Variants in SLC23A2 observed in about 807,000 individuals in gnomAD.
The protein encoded by SLC23A2 is Na(+)/L-ascorbic acid transporter 2.
In SLC23A2, 36 loss-of-function variants were observed where a neutral mutation model predicts 73.3. The observed-to-expected ratio is 0.49, with a 90% CI of 0.38 to 0.65. The LOEUF is 0.65. SLC23A2 is among the 30% of genes least tolerant of loss of function. The pLI is 0.00. For missense variants in SLC23A2, 507 were observed against 841.6 expected (o/e 0.60, Z 4.92); for synonymous variants, 343 against 327.3 (o/e 1.05, Z -0.52).
intron 2 of SLC23A2, among the ~76,000 whole-genome samples, chr20:4,940,790 A>C (rs2087028220): frequency 6.6e-6 from 1 of 152,250 alleles, no homozygotes; most frequent in Non-Finnish European, 1.5e-5. Context: ...AGTCAAATGC[A>C]GAAGCAGAGT....
At chr20:4,886,076 C>A in intron 6 of SLC23A2, 167 bp from the exon 7 acceptor site, 1 of 540,996 alleles carries the variant, frequency 1.8e-6, no homozygotes, top group South Asian at 2.1e-5. Context: ...TGCCATGCAG[C>A]CACAGCCAGT....
intron 2 of SLC23A2, 143 bp from the exon 3 acceptor site, chr20:4,932,859 T>C: frequency 3.9e-6 from 1 of 256,946 alleles, no homozygotes; most frequent in Non-Finnish European, 7.4e-6. Flanking sequence ...AATTACAGTT[T>C]TCAGGCACCC....
At position 4,976,902 on chromosome 20, in the gene SLC23A2, G is replaced by T. The variant is rs564496924; in HGVS notation, c.-281-5983C>A. Among the ~76,000 whole-genome samples the T allele has an allele frequency of 4.6e-5, 7 of 152,226 alleles. No homozygotes were observed. The East Asian group carries it at 1.2e-3, about 25-fold the overall frequency. ...GAGGCAGGAGAATCACTTGAATCAG[G>T]GGGGCGGAGGTTGCAGTGAGCCAAG... On this transcript the variant is annotated intron_variant, in intron 1 of 16. Coordinates refer to ENST00000338244, the MANE Select transcript of SLC23A2 (RefSeq NM_005116.6).
At chr20:4,897,940 T>C (rs528688507) in intron 6 of SLC23A2, among the ~76,000 whole-genome samples, 116 of 152,206 alleles carry the variant, frequency 7.6e-4, no homozygotes, top group African/African-American at 2.1e-3. Context: ...AAGTCAGCGG[T>C]TTAGAAAAAG....
rs748221373 is a variant in SLC23A2, at chr20:4,862,782, G to A, written c.1482C>T (p.Leu494=). The change falls in exon 14 of 17, where the codon CTC becomes CTT. Residue 494 remains leucine, a synonymous_variant. Coordinates refer to ENST00000338244, the MANE Select transcript of SLC23A2 (RefSeq NM_005116.6). The surrounding 1 kb of genome is among the most constrained non-coding windows in gnomAD (Gnocchi z 5.1). The part of the protein sequence containing the change: ...DPVLGALFCT[L]FGMITAVGLS... ...AGCCAGAGAGGGGAGTCTTACCAAA[G>A]AGCGTGCAGAACAGGGCTCCCAGCA... 4.3e-6 allele frequency: 7 copies of A among 1,611,016 alleles called. No individual in the cohort carries two copies. The Admixed American group carries it at 1.2e-4, about 27-fold the overall frequency.
Position 4,856,764 on chromosome 20 carries a change from A to G in SLC23A2, c.*208T>C. The G allele has an allele frequency of 1.8e-6, 1 of 546,128 alleles. No individual in the cohort carries two copies. Among genetic ancestry groups the G allele is most frequent in the South Asian group, 2.4e-5 (1 of 41,950 alleles). 33.8% of individuals were successfully genotyped at this position (546,128 alleles called of 1,614,324 possible). Reference sequence around the variant, plus strand: ...CAGCAATGGACACTCTCAAAGGGCAAGGAGTTAAGGGCTTAAATAAGGAGA... The same window carrying G: ...CAGCAATGGACACTCTCAAAGGGCAGGGAGTTAAGGGCTTAAATAAGGAGA... On this transcript the variant is annotated 3_prime_UTR_variant, in exon 17 of 17. Transcript: ENST00000338244. The surrounding 1 kb of genome is among the most constrained non-coding windows in gnomAD (Gnocchi z 4.6).
At chr20:5,001,079 T>G (rs1045620892) in intron 1 of SLC23A2, among the ~76,000 whole-genome samples, 8 of 151,684 alleles carry the variant, frequency 5.3e-5, no homozygotes, top group African/African-American at 1.9e-4. Context: ...CCCATTTGCC[T>G]CCCCGCTGCG....
chr20:4,984,543 ACT>A (rs1367004242), intron 1 of SLC23A2, among the ~76,000 whole-genome samples: 1 of 123,836 alleles, frequency 8.1e-6, no homozygotes, highest in Non-Finnish European at 1.8e-5. Context: ...ACAGAGCAAG[ACT>A]CTGTCTCAAA....
Position 4,856,960 on chromosome 20 carries a change from G to A in SLC23A2, c.*12C>T. 6.3e-7 allele frequency: 1 copy of A among 1,582,956 alleles called. No individual in the cohort carries two copies. The highest frequency in any genetic ancestry group is 8.7e-7 in the Non-Finnish European group (1 of 1,152,722). Reference sequence around the variant, plus strand: ...TGCCTCACTGCGGCCAGGCCACAGGGCACAGCAAAGGCTATCCCGTGGCCT... The same window carrying A: ...TGCCTCACTGCGGCCAGGCCACAGGACACAGCAAAGGCTATCCCGTGGCCT... On this transcript the variant is annotated 3_prime_UTR_variant, in exon 17 of 17. Coordinates refer to ENST00000338244, the MANE Select transcript of SLC23A2 (RefSeq NM_005116.6). The surrounding 1 kb of genome is among the most constrained non-coding windows in gnomAD (Gnocchi z 4.6).
chr20:4,930,736 T>G (rs1932779653), intron 3 of SLC23A2, among the ~76,000 whole-genome samples: 2 of 151,930 alleles, frequency 1.3e-5, no homozygotes, highest in African/African-American at 4.8e-5. Flanking sequence ...GGAGAATCGC[T>G]TGAACTTGGG....
At chr20:4,993,417 A>AAAAAAAAG (rs1344124955) in intron 1 of SLC23A2, among the ~76,000 whole-genome samples, 2 of 151,598 alleles carry the variant, frequency 1.3e-5, no homozygotes, top group African/African-American at 4.8e-5. Context: ...TCCGAAAAAA[A>AAAAAAAAG]AAAAAGAAAA....
At chr20:4,920,107 A>C (rs1932454446) in intron 3 of SLC23A2, among the ~76,000 whole-genome samples, 1 of 152,192 alleles carries the variant, frequency 6.6e-6, no homozygotes, top group Non-Finnish European at 1.5e-5. Flanking sequence ...CTAAAAATAC[A>C]AAAGTTAGCT....
At chr20:4,935,064 G>A (rs554894249) in intron 2 of SLC23A2, among the ~76,000 whole-genome samples, 1 of 151,498 alleles carries the variant, frequency 6.6e-6, no homozygotes, top group South Asian at 2.1e-4. Context: ...GCGGGCACCT[G>A]TAGTCCCAGC....
chr20:4,996,943 C>T (rs1363990728), intron 1 of SLC23A2, among the ~76,000 whole-genome samples: 3 of 152,126 alleles, frequency 2.0e-5, no homozygotes, highest in Non-Finnish European at 4.4e-5. Flanking sequence ...TGCTTTTCTG[C>T]TGCATTTGGG....
rs562034373 is a variant in SLC23A2, at chr20:4,932,659, G to A, written c.-97C>T. On this transcript the variant is annotated 5_prime_UTR_variant, in exon 3 of 17. Coordinates refer to ENST00000338244, the MANE Select transcript of SLC23A2 (RefSeq NM_005116.6). ...CCCAGGATCAGCCGGCTCTTCTAGT[G>A]CCTGGAGCCCCCGATTCTCAAGCAG... 1.9e-5 allele frequency: 14 copies of A among 730,872 alleles called. No individual in the cohort carries two copies. In the African/African-American group the frequency reaches 2.5e-4, roughly 13 times the overall value. 45.3% of individuals were successfully genotyped at this position (730,872 alleles called of 1,614,324 possible). A position where few individuals can be genotyped will look rare whatever the true frequency, so the allele number is the denominator to read the frequency against.
At chr20:4,905,113 C>CAA (rs56708379) in intron 4 of SLC23A2, among the ~76,000 whole-genome samples, 45 of 96,704 alleles carry the variant, frequency 4.7e-4, no homozygotes, top group Admixed American at 7.2e-4. Context: ...GATTCTGTCA[C>CAA]AAAAAAAAAA....
chr20:4,870,909 T>C (rs1930423877), intron 11 of SLC23A2, among the ~76,000 whole-genome samples: 1 of 152,216 alleles, frequency 6.6e-6, no homozygotes, highest in Non-Finnish European at 1.5e-5. Flanking sequence ...AACCATGTTA[T>C]GGGAAATTAA....
intron 6 of SLC23A2, among the ~76,000 whole-genome samples, chr20:4,897,915 T>A (rs1931604377): frequency 6.6e-6 from 1 of 152,212 alleles, no homozygotes; most frequent in African/African-American, 2.4e-5. Context: ...GGATTATGCC[T>A]ACAAATCCAC....
chr20:4,945,679 G>A (rs2087109705), intron 2 of SLC23A2, among the ~76,000 whole-genome samples: 1 of 152,086 alleles, frequency 6.6e-6, no homozygotes, highest in African/African-American at 2.4e-5. Context: ...AATGGCATTT[G>A]ACAGAACAAA....
Sources: allele counts gnomAD v4.1 joint callset (sites outside exome capture counted in the v4.1 genomes callset), GRCh38; gene constraint gnomAD v4.1.1; non-coding constraint Gnocchi (gnomAD v3.1); transcripts MANE v1.5; gene names NCBI Gene and HGNC (gene_info 2026-07-23, HGNC 2026-07-21).